Variants in GRIP1 observed in about 807,000 individuals in gnomAD.
The protein encoded by GRIP1 is glutamate receptor-interacting protein 1.
A neutral mutation model predicts 129.9 loss-of-function variants in GRIP1; 45 were observed. That is an observed-to-expected ratio of 0.35 (90% CI 0.27 to 0.44). GRIP1 has a LOEUF of 0.44. GRIP1 is among the 20% of genes least tolerant of loss of function. GRIP1 has a pLI of 1.00. For missense variants in GRIP1, 1,196 were observed against 1,396.8 expected, an observed-to-expected ratio of 0.86 and a Z score of 2.29; for synonymous variants, 530 against 520.8, an observed-to-expected ratio of 1.02 and a Z score of -0.24.
upstream of GRIP1, among the ~76,000 whole-genome samples, chr12:66,804,437 T>TAA (rs1019417585): frequency 6.7e-6 from 1 of 148,798 alleles, no homozygotes; most frequent in African/African-American, 2.5e-5. Context: ...GTAATTTTTT[T>TAA]AAAAAAAAAA....
chr12:66,426,290 A>G (rs1020292812), intron 14 of GRIP1, among the ~76,000 whole-genome samples: 3 of 152,100 alleles, frequency 2.0e-5, no homozygotes, highest in African/African-American at 7.2e-5. Flanking sequence ...TGTCATTTGT[A>G]CTCAACCTGT....
intron 1 of GRIP1, among the ~76,000 whole-genome samples, chr12:66,946,766 C>CGGGGGG (rs1325489279): frequency 5.7e-4 from 3 of 5,294 alleles, no homozygotes; most frequent in African/African-American, 1.3e-3. Context: ...CAGCGGGGGT[C>CGGGGGG]GGGGGGTGGG....
chr12:66,848,617 T>C (rs941989818), intron 1 of GRIP1, among the ~76,000 whole-genome samples: 7 of 152,280 alleles, frequency 4.6e-5, no homozygotes, highest in South Asian at 2.1e-4. Context: ...ATGAGCTATA[T>C]AGACATTTCT....
At chr12:66,394,662 T>C (rs1175865785) in intron 16 of GRIP1, among the ~76,000 whole-genome samples, 1 of 152,202 alleles carries the variant, frequency 6.6e-6, no homozygotes, top group African/African-American at 2.4e-5. Flanking sequence ...ACCTAGCATT[T>C]AGTAAGTATG....
rs545237652 is a variant in GRIP1 at position 66,593,993 on chromosome 12, G to A, written c.136+2854C>T. Among the ~76,000 whole-genome samples, 505 of 150,820 alleles carry A rather than the reference G, an allele frequency of 3.3e-3. 1 individual carries two copies. The highest frequency in any genetic ancestry group is 5.2e-3 in the Non-Finnish European group (355 of 67,734). On this transcript the variant is annotated intron_variant, in intron 2 of 24. Transcript: ENST00000359742. ...TGAGGCAGGAGAATGGTGTGAACCC[G>A]GGAGGTGGAGCTTGCAGTGAGCCGA...
At chr12:66,820,454 G>A (rs1720400788) in intron 1 of GRIP1, among the ~76,000 whole-genome samples, 2 of 152,134 alleles carry the variant, frequency 1.3e-5, no homozygotes, top group African/African-American at 2.4e-5. Context: ...CAGTTTCTTA[G>A]ACAACTAAAT....
intron 19 of GRIP1, among the ~76,000 whole-genome samples, chr12:66,381,191 G>A (rs1006532603): frequency 3.3e-5 from 5 of 152,124 alleles, no homozygotes; most frequent in African/African-American, 9.7e-5. Flanking sequence ...TCTATTTTAG[G>A]ACACCAAGGA....
intron 1 of GRIP1, among the ~76,000 whole-genome samples, chr12:66,719,298 A>G (rs1236611834): frequency 6.6e-6 from 1 of 152,188 alleles, no homozygotes; most frequent in Non-Finnish European, 1.5e-5. Context: ...AATTTTGCAC[A>G]ATGTGAAAAG....
intron 2 of GRIP1, among the ~76,000 whole-genome samples, chr12:66,593,933 T>C (rs2063939192): frequency 6.6e-6 from 1 of 151,602 alleles, no homozygotes; most frequent in African/African-American, 2.4e-5. Flanking sequence ...CTGGGTGTGG[T>C]GGTGGATGCC....
At chr12:66,672,291 T>C (rs917931999) in intron 1 of GRIP1, among the ~76,000 whole-genome samples, 3 of 152,188 alleles carry the variant, frequency 2.0e-5, no homozygotes, top group Non-Finnish European at 4.4e-5. Context: ...TTTAATAATG[T>C]AGTTGGAATT....
chr12:66,474,560 G>C (rs2059546036), intron 7 of GRIP1, among the ~76,000 whole-genome samples: 1 of 152,148 alleles, frequency 6.6e-6, no homozygotes, highest in African/African-American at 2.4e-5. Flanking sequence ...AGGAAAAAAT[G>C]TTAAGGGCAG....
At chr12:66,808,640 G>A (rs1372418777), upstream of GRIP1, among the ~76,000 whole-genome samples, 1 of 152,006 alleles carries the variant, frequency 6.6e-6, no homozygotes, top group African/African-American at 2.4e-5. Context: ...CTAAAGTCAA[G>A]AGATTTCATA....
At chr12:66,737,211 T>C (rs1008302906) in intron 1 of GRIP1, among the ~76,000 whole-genome samples, 2 of 152,176 alleles carry the variant, frequency 1.3e-5, no homozygotes, top group African/African-American at 4.8e-5. Flanking sequence ...ACTGACTCGT[T>C]TTTTTCTTTC....
chr12:66,360,538 C>A (rs1222100533), intron 23 of GRIP1, among the ~76,000 whole-genome samples: 1 of 152,156 alleles, frequency 6.6e-6, no homozygotes, highest in African/African-American at 2.4e-5. Flanking sequence ...ACACTCAGGG[C>A]TAGGATACAG....
chr12:66,487,924 G>T (rs1328632951), intron 7 of GRIP1, among the ~76,000 whole-genome samples: 1 of 152,140 alleles, frequency 6.6e-6, no homozygotes. Flanking sequence ...AACAAGAAGA[G>T]CTAACTATCT....
At chr12:66,851,291 C>T (rs973494244) in intron 1 of GRIP1, among the ~76,000 whole-genome samples, 7 of 151,806 alleles carry the variant, frequency 4.6e-5, no homozygotes, top group African/African-American at 7.3e-5. Context: ...AAAGTGGAGA[C>T]GGGGCTGCAC....
chr12:66,386,360 G>T (rs1279517147), intron 19 of GRIP1, among the ~76,000 whole-genome samples: 1 of 152,138 alleles, frequency 6.6e-6, no homozygotes, highest in African/African-American at 2.4e-5. Context: ...TCGGCCGGGC[G>T]CTGTGGCTCA....
chr12:66,392,422 G>T lies in GRIP1; in HGVS notation c.2350C>A (p.Pro784Thr), dbSNP rs756364602. The T allele has an allele frequency of 1.2e-6, 2 of 1,613,978 alleles. No individual in the cohort carries two copies. Among genetic ancestry groups the T allele is most frequent in the Admixed American group, 1.7e-5 (1 of 60,024 alleles). ...GAGAGCTTGCCTGGCTTCTGTGCTG[G>T]TGAGGAGTCCTCCTCCACATCCCCC... Reference protein sequence around the residue: ...DLGDVEEDSSPAQKPGKLSDM... With the variant: ...DLGDVEEDSSTAQKPGKLSDM... The change falls in exon 19 of 25, where the codon CCA becomes ACA. Residue 784 changes from proline to threonine, a missense_variant. Pro to Thr is a conservative substitution (Grantham distance 38). Around this residue, in one of 5 missense-constraint regions of GRIP1, gnomAD observed 427 missense variants for 463.3 expected, o/e 0.92. Coordinates refer to ENST00000359742, the MANE Select transcript of GRIP1 (RefSeq NM_001366722.1).
At chr12:66,523,629 C>T (rs2061106634) in intron 5 of GRIP1, among the ~76,000 whole-genome samples, 1 of 151,494 alleles carries the variant, frequency 6.6e-6, no homozygotes, top group South Asian at 2.1e-4. Flanking sequence ...AACTAACGAG[C>T]AAAATCACCA....
Sources: allele counts gnomAD v4.1 joint callset (sites outside exome capture counted in the v4.1 genomes callset), GRCh38; gene constraint gnomAD v4.1.1; regional missense constraint gnomAD v4.1.1; transcripts MANE v1.5; gene names NCBI Gene and HGNC (gene_info 2026-07-23, HGNC 2026-07-21).